Variants in VCPIP1 observed in about 807,000 individuals in gnomAD.
The protein encoded by VCPIP1 is valosin containing protein interacting protein 1.
VCPIP1 carries 8 observed loss-of-function variants against 85.0 expected under a neutral mutation model. That is an observed-to-expected ratio of 0.09 (90% CI 0.06 to 0.17). The LOEUF is 0.17. Among genes scored for constraint, VCPIP1 ranks in the 10% least tolerant of loss-of-function variants. VCPIP1 has a pLI of 1.00. For synonymous variants in VCPIP1, 543 were observed against 544.5 expected (o/e 1.00, Z 0.04); for missense variants, 1,070 against 1,486.3 (o/e 0.72, Z 4.61).
rs773374584 is a variant in VCPIP1 at position 66,665,192 on chromosome 8, T to C, written c.1767A>G (p.Pro589=). The C allele has an allele frequency of 4.3e-6, 7 of 1,613,438 alleles. No individual in the cohort carries two copies. Among genetic ancestry groups the C allele is most frequent in the East Asian group, 4.5e-5 (2 of 44,880 alleles). Residue 589 remains proline (P), a synonymous_variant, in exon 1 of 3, where the codon CCA becomes CCG. Coordinates refer to ENST00000310421, the MANE Select transcript of VCPIP1 (RefSeq NM_025054.5). This position sits in a 1 kb window ranked among gnomAD's most constrained non-coding sequence, Gnocchi z 4.3. ...ATTCTAAAGTAATAGGGAAAGCTTC[T>C]GGTAGATTGTCATACTCCTTACCAT... is the stretch of plus-strand genomic sequence containing the variant. The part of the protein sequence containing the change: ...FWDGKEYDNL[P]EAFPITLEWG...
chr8:66,636,624 T>C (rs1810889834), intron 2 of VCPIP1, among the ~76,000 whole-genome samples: 2 of 151,800 alleles, frequency 1.3e-5, no homozygotes, highest in East Asian at 3.9e-4. Context: ...GCGCCTGTAG[T>C]CCCAGCTACT....
intron 2 of VCPIP1, among the ~76,000 whole-genome samples, chr8:66,646,632 C>G (rs564732207): frequency 6.6e-6 from 1 of 151,880 alleles, no homozygotes. Flanking sequence ...CTTGTCTCTA[C>G]GAAAATTACA....
rs750894538 is a variant in VCPIP1, at chr8:66,638,936, TTCTCTCTC to T, written c.2798-3572_2798-3565del. On this transcript the variant is annotated intron_variant, in intron 2 of 2. Transcript: ENST00000310421. ...CTGTACAAAAACCTGCAAGAAAACT[TTCTCTCTC>T]TCTCTCTCTCTCTCTCTCTCTCTCT... Among the ~76,000 whole-genome samples the T allele has an allele frequency of 2.4e-4, 32 of 131,672 alleles. 1 individual carries two copies. The highest frequency in any genetic ancestry group is 9.4e-4 in the South Asian group (4 of 4,236). 86.4% of individuals were successfully genotyped at this position (131,672 alleles called of 152,430 possible). A position where few individuals can be genotyped will look rare whatever the true frequency, so the allele number is the denominator to read the frequency against.
In VCPIP1 at chr8:66,653,076, C is replaced by T. The variant is rs192773768; in HGVS notation, c.2711-1532G>A. 5.1e-3 allele frequency among the ~76,000 whole-genome samples: 772 copies of T among 152,254 alleles called. 4 individuals are homozygous for T. The highest frequency in any genetic ancestry group is 0.018 in the African/African-American group (727 of 41,542). On this transcript the variant is annotated intron_variant, in intron 1 of 2. Coordinates refer to ENST00000310421, the MANE Select transcript of VCPIP1 (RefSeq NM_025054.5). Reference sequence around the variant, plus strand: ...TTATGTGGCAGTTGGCTAAACTTACCTTCACTATACCAGCTTAAAGTAGAC... The same window carrying T: ...TTATGTGGCAGTTGGCTAAACTTACTTTCACTATACCAGCTTAAAGTAGAC...
rs1191905315 is a variant in VCPIP1, at chr8:66,632,094, T to C, written c.*2407A>G. On this transcript the variant is annotated 3_prime_UTR_variant, in exon 3 of 3. Coordinates refer to ENST00000310421, the MANE Select transcript of VCPIP1 (RefSeq NM_025054.5). Reference sequence around the variant, plus strand: ...AAAAAAAAAAAAAAACAAATTTACCTGAGATGTCTAGCTTGCACGCCAAGA... The same window carrying C: ...AAAAAAAAAAAAAAACAAATTTACCCGAGATGTCTAGCTTGCACGCCAAGA... 1.3e-5 allele frequency: 2 copies of C among 150,018 alleles called. No individual in the cohort carries two copies. The highest frequency in any genetic ancestry group is 3.0e-5 in the Non-Finnish European group (2 of 67,570). 9.3% of individuals were successfully genotyped at this position (150,018 alleles called of 1,614,324 possible). A position where few individuals can be genotyped will look rare whatever the true frequency, so the allele number is the denominator to read the frequency against.
At chr8:66,661,205 T>C (rs915238594) in intron 1 of VCPIP1, among the ~76,000 whole-genome samples, 4 of 152,184 alleles carry the variant, frequency 2.6e-5, no homozygotes, top group African/African-American at 9.7e-5. Context: ...CACAATGCTC[T>C]CTTTTACACC....
At chr8:66,650,975 G>A (rs1371967245) in intron 2 of VCPIP1, among the ~76,000 whole-genome samples, 9 of 151,092 alleles carry the variant, frequency 6.0e-5, no homozygotes, top group South Asian at 2.1e-4. Context: ...ACCTGAGGTC[G>A]GGAGTTCAAG....
intron 2 of VCPIP1, among the ~76,000 whole-genome samples, chr8:66,646,771 G>A (rs1205015752): frequency 6.6e-6 from 1 of 151,680 alleles, no homozygotes; most frequent in African/African-American, 2.4e-5. Flanking sequence ...CATCCAACCT[G>A]GGTGACGGAG....
rs1336603955 is a variant in VCPIP1 at position 66,666,776 on chromosome 8, C to A, written c.183G>T (p.Pro61=). The A allele has an allele frequency of 1.9e-6, 3 of 1,613,334 alleles. No individual in the cohort carries two copies. Among genetic ancestry groups the A allele is most frequent in the Non-Finnish European group, 2.5e-6 (3 of 1,179,552 alleles). ...ACTCGATGCTGACAGAACCGGAGGCCGGGAAAAATAGACGCGCCTGACACT... is the reference window on the plus strand; with the variant it reads ...ACTCGATGCTGACAGAACCGGAGGCAGGGAAAAATAGACGCGCCTGACACT... ...DPKCQARLFF[P]ASGSVSIECT... The change falls in exon 1 of 3, where the codon CCG becomes CCT. Residue 61 remains proline (P), a synonymous_variant. Transcript: ENST00000310421. This position sits in a 1 kb window ranked among gnomAD's most constrained non-coding sequence, Gnocchi z 6.3.
chr8:66,647,768 A>C (rs1002321630), intron 2 of VCPIP1, among the ~76,000 whole-genome samples: 1 of 152,180 alleles, frequency 6.6e-6, no homozygotes. Context: ...CTGGTCATCC[A>C]TACATTAAAA....
intron 1 of VCPIP1, among the ~76,000 whole-genome samples, chr8:66,662,653 T>C (rs771985336): frequency 2.0e-5 from 3 of 152,042 alleles, no homozygotes; most frequent in Admixed American, 6.5e-5. Flanking sequence ...ACCTGGGAGA[T>C]TGAAGGTCTT....
rs1383168402 is a variant in VCPIP1, at chr8:66,666,834, C to G, written c.125G>C (p.Arg42Pro). 1 of 1,613,746 alleles carries G rather than the reference C, an allele frequency of 6.2e-7. No individual in the cohort carries two copies. The highest frequency in any genetic ancestry group is 8.5e-7 in the Non-Finnish European group (1 of 1,179,978). ...ASGGLLKRRDRRILSGSCPDP... is the reference protein window; with the variant it reads ...ASGGLLKRRDPRILSGSCPDP... ...CGGGCAGCTCCCGGAAAGGATTCTC[C>G]GGTCTCTCCGCTTCAAAAGCCCCCC... The change falls in exon 1 of 3, where the codon CGG (arginine) becomes CCG (proline). Residue 42 changes from arginine to proline, a missense_variant. By Grantham distance (103) the Arg-to-Pro change is moderately radical. This residue lies in a region of VCPIP1 where 164 missense variants were observed against 158.6 expected (regional missense o/e 1.03). Transcript: ENST00000310421. The surrounding 1 kb of genome is among the most constrained non-coding windows in gnomAD (Gnocchi z 6.3).
intron 2 of VCPIP1, among the ~76,000 whole-genome samples, chr8:66,649,657 C>A (rs1179240972): frequency 1.3e-5 from 2 of 152,088 alleles, no homozygotes; most frequent in Non-Finnish European, 2.9e-5. Flanking sequence ...CATATAGGAG[C>A]AGAATCAAAT....
Position 66,664,286 on chromosome 8 carries a change from T to C in VCPIP1, c.2673A>G (p.Lys891=). 1 of 1,598,018 alleles carries C rather than the reference T, an allele frequency of 6.3e-7. No individual in the cohort carries two copies. ...SSKELQEQAE[K]EMYSLCLLAT... ...CTAAAAGACACAAGGAGTACATTTC[T>C]TTTTCAGCTTGCTCCTGAAGTTCCT... The change falls in exon 1 of 3, where the codon AAA becomes AAG. Residue 891 remains lysine, a synonymous_variant. Transcript: ENST00000310421.
intron 1 of VCPIP1, among the ~76,000 whole-genome samples, chr8:66,661,207 T>C (rs1336627310): frequency 1.3e-5 from 2 of 152,188 alleles, no homozygotes; most frequent in Admixed American, 6.6e-5. Flanking sequence ...CAATGCTCTC[T>C]TTTACACCCA....
intron 2 of VCPIP1, among the ~76,000 whole-genome samples, chr8:66,640,521 C>T (rs1010084875): frequency 2.6e-5 from 4 of 152,194 alleles, no homozygotes; most frequent in African/African-American, 4.8e-5. Flanking sequence ...CCTGGACCCG[C>T]GGCCCAAAGT....
chr8:66,636,236 C>CAAAAA (rs1180259925), intron 2 of VCPIP1, among the ~76,000 whole-genome samples: 3 of 41,500 alleles, frequency 7.2e-5, no homozygotes, highest in Non-Finnish European at 1.0e-4. Flanking sequence ...GACTCCATCT[C>CAAAAA]AAAAAAAAAA....
At position 66,664,557 on chromosome 8, in the gene VCPIP1, T is replaced by G; in HGVS notation, c.2402A>C (p.Gln801Pro). ...LKSSTTFFEL[Q>P]ESIAREFNIP... is the part of the protein sequence containing the mutation. ...GTTGAATTCTCTGGCTATACTTTCC[T>G]GAAGTTCAAAAAAGGTTGTTGAAGA... The change falls in exon 1 of 3, where the codon CAG becomes CCG. Residue 801 changes from glutamine to proline, a missense_variant. This residue lies in a region of VCPIP1 where 278 missense variants were observed against 298.5 expected (regional missense o/e 0.93). Coordinates refer to ENST00000310421, the MANE Select transcript of VCPIP1 (RefSeq NM_025054.5). The G allele has an allele frequency of 6.2e-7, 1 of 1,614,210 alleles. No individual in the cohort carries two copies. The highest frequency in any genetic ancestry group is 8.5e-7 in the Non-Finnish European group (1 of 1,180,038).
At chr8:66,642,069 C>T (rs1186709442) in intron 2 of VCPIP1, among the ~76,000 whole-genome samples, 1 of 152,164 alleles carries the variant, frequency 6.6e-6, no homozygotes, top group Non-Finnish European at 1.5e-5. Flanking sequence ...TATGAGGGTT[C>T]CAATTTCTCT....
Sources: allele counts gnomAD v4.1 joint callset (sites outside exome capture counted in the v4.1 genomes callset), GRCh38; gene constraint gnomAD v4.1.1; regional missense constraint gnomAD v4.1.1; non-coding constraint Gnocchi (gnomAD v3.1); transcripts MANE v1.5; gene names NCBI Gene and HGNC (gene_info 2026-07-23, HGNC 2026-07-21).